The following HIVEP3 variants were observed in gnomAD, a reference collection of about 807,000 sequenced individuals.
HIVEP3 encodes HIVEP zinc finger 3.
In HIVEP3, 49 loss-of-function variants were observed where a neutral mutation model predicts 152.8. The ratio of observed to expected loss-of-function variants is 0.32; its 90% CI spans 0.26 to 0.41. The LOEUF is 0.41. HIVEP3 is among the 10% of genes least tolerant of loss of function. The pLI, the probability that HIVEP3 is intolerant of heterozygous loss-of-function variation, is 1.00. For synonymous variants in HIVEP3, 1,269 were observed against 1,289.0 expected, an observed-to-expected ratio of 0.98 and a Z score of 0.33; for missense variants, 2,790 against 3,103.3, an observed-to-expected ratio of 0.90 and a Z score of 2.40.
chr1:41,795,818 T>G (rs901139265), intron 1 of HIVEP3, among the ~76,000 whole-genome samples: 1 of 152,230 alleles, frequency 6.6e-6, no homozygotes, highest in Non-Finnish European at 1.5e-5. Context: ...TGTCTTGCTT[T>G]GTTTTTTGTT....
chr1:41,536,845 A>C (rs1440504530), intron 5 of HIVEP3, among the ~76,000 whole-genome samples: 2 of 152,158 alleles, frequency 1.3e-5, no homozygotes, highest in Non-Finnish European at 1.5e-5. Flanking sequence ...ACAGGAGAAA[A>C]CAGTCCCAGA....
At chr1:41,827,890 G>A (rs1364142379) in intron 1 of HIVEP3, among the ~76,000 whole-genome samples, 4 of 152,030 alleles carry the variant, frequency 2.6e-5, no homozygotes, top group African/African-American at 4.8e-5. Context: ...TAGGGAGAGA[G>A]AGTCAATAGA....
At chr1:41,738,391 C>G (rs1434291154) in intron 1 of HIVEP3, among the ~76,000 whole-genome samples, 2 of 152,174 alleles carry the variant, frequency 1.3e-5, no homozygotes, top group Admixed American at 6.5e-5. Flanking sequence ...CTCAGACCAT[C>G]AATTCTACTT....
At chr1:41,742,271 C>T (rs1228085178) in intron 1 of HIVEP3, among the ~76,000 whole-genome samples, 1 of 152,202 alleles carries the variant, frequency 6.6e-6, no homozygotes, top group Non-Finnish European at 1.5e-5. Context: ...TCCATCCACC[C>T]ATCCTTTCAT....
At chr1:41,611,742 G>A (rs1335136309) in intron 3 of HIVEP3, among the ~76,000 whole-genome samples, 1 of 152,194 alleles carries the variant, frequency 6.6e-6, no homozygotes, top group Admixed American at 6.5e-5. Flanking sequence ...CCACTGTCCT[G>A]GGCAACCAGG....
chr1:41,919,367 G>A (rs1644920833), upstream of HIVEP3, among the ~76,000 whole-genome samples: 1 of 152,146 alleles, frequency 6.6e-6, no homozygotes, highest in African/African-American at 2.4e-5. Flanking sequence ...GTGCCTGAAG[G>A]GAGTGGGGTC....
rs758053804 is a variant in HIVEP3 at position 41,582,236 on chromosome 1, C to A, written c.2562G>T (p.Gln854His). The A allele has an allele frequency of 3.7e-6, 6 of 1,613,768 alleles. No homozygotes were observed. The highest frequency in any genetic ancestry group is 5.1e-6 in the Non-Finnish European group (6 of 1,179,910). ...QPKLVRQPNI[Q>H]VPEILVTEEP... Reference sequence around the variant, plus strand: ...CCTCAGTTACTAGGATCTCAGGAACCTGAATGTTGGGCTGGCGGACCAACT... The same window carrying A: ...CCTCAGTTACTAGGATCTCAGGAACATGAATGTTGGGCTGGCGGACCAACT... Residue 854 changes from glutamine (Q) to histidine (H), a missense_variant, in exon 4 of 9, where the codon CAG (glutamine) becomes CAT (histidine). This residue lies in a region of HIVEP3 where 1,078 missense variants were observed against 1,165.3 expected (regional missense o/e 0.93). Coordinates refer to ENST00000372583, the MANE Select transcript of HIVEP3 (RefSeq NM_024503.5). This position sits in a 1 kb window ranked among gnomAD's most constrained non-coding sequence, Gnocchi z 4.7.
At chr1:41,577,547 C>G (rs1444430152) in intron 4 of HIVEP3, among the ~76,000 whole-genome samples, 2 of 152,152 alleles carry the variant, frequency 1.3e-5, no homozygotes, top group Admixed American at 6.5e-5. Context: ...GGACTCTGAA[C>G]AAGCTGGGGT....
intron 8 of HIVEP3, among the ~76,000 whole-genome samples, chr1:41,512,553 G>A (rs150850941): frequency 2.8e-4 from 43 of 152,322 alleles, no homozygotes; most frequent in African/African-American, 9.1e-4. Flanking sequence ...GGACTAATAC[G>A]TGGTAGAACC....
At position 41,582,500 on chromosome 1, in the gene HIVEP3, G is replaced by C. The variant is rs1644429719; in HGVS notation, c.2298C>G (p.Ser766=). 1.2e-6 allele frequency: 2 copies of C among 1,612,462 alleles called. No individual in the cohort carries two copies. The highest frequency in any genetic ancestry group is 3.3e-5 in the Admixed American group (2 of 59,922). ...SPAEPSKSVP[S]LEGPTGFQPR... ...GCTGGAAGCCCGTGGGTCCCTCCAA[G>C]GAGGGCACTGATTTACTTGGTTCTG... The change falls in exon 4 of 9, where the codon TCC becomes TCG. Residue 766 remains serine, a synonymous_variant. Coordinates refer to ENST00000372583, the MANE Select transcript of HIVEP3 (RefSeq NM_024503.5). This position sits in a 1 kb window ranked among gnomAD's most constrained non-coding sequence, Gnocchi z 4.7.
intron 2 of HIVEP3, among the ~76,000 whole-genome samples, chr1:41,675,119 C>T (rs937246269): frequency 6.6e-6 from 1 of 152,142 alleles, no homozygotes; most frequent in Non-Finnish European, 1.5e-5. Flanking sequence ...TTAATCCGTA[C>T]CCCTGTGTGC....
chr1:41,825,440 T>G (rs1642772635), intron 1 of HIVEP3, among the ~76,000 whole-genome samples: 1 of 151,936 alleles, frequency 6.6e-6, no homozygotes, highest in Non-Finnish European at 1.5e-5. Context: ...CCAGCTAATA[T>G]TTTCTATTTT....
intron 1 of HIVEP3, among the ~76,000 whole-genome samples, chr1:41,713,867 A>G (rs1328225729): frequency 6.6e-6 from 1 of 152,190 alleles, no homozygotes; most frequent in East Asian, 1.9e-4. Flanking sequence ...GGGGCTGGAG[A>G]GAGCTGCAGG....
At chr1:41,859,721 C>A (rs1643863684) in intron 1 of HIVEP3, among the ~76,000 whole-genome samples, 3 of 152,356 alleles carry the variant, frequency 2.0e-5, no homozygotes, top group African/African-American at 7.2e-5. Flanking sequence ...TTTAGACAAT[C>A]TTTGCCAATT....
At chr1:41,619,399 A>G (rs1645014422) in intron 3 of HIVEP3, among the ~76,000 whole-genome samples, 1 of 152,236 alleles carries the variant, frequency 6.6e-6, no homozygotes. Context: ...CATTTATTTT[A>G]CATACACTTA....
At chr1:41,559,547 G>A (rs775155373) in intron 5 of HIVEP3, among the ~76,000 whole-genome samples, 10 of 152,156 alleles carry the variant, frequency 6.6e-5, no homozygotes, top group Non-Finnish European at 2.9e-5. Context: ...CAAGGGAGCC[G>A]AAGGCACATT....
chr1:41,523,709 G>A (rs1642825094), intron 6 of HIVEP3, among the ~76,000 whole-genome samples: 1 of 152,196 alleles, frequency 6.6e-6, no homozygotes, highest in Non-Finnish European at 1.5e-5. Flanking sequence ...ACAGAAGAAA[G>A]GTCAACAGGT....
chr1:42,018,639 G>A (rs1416449671), intron 1 of HIVEP3, among the ~76,000 whole-genome samples: 1 of 151,870 alleles, frequency 6.6e-6, no homozygotes, highest in Admixed American at 6.6e-5. Flanking sequence ...TTAGCAAAAG[G>A]CAATTAAGAA....
At position 42,002,317 on chromosome 1, in the gene HIVEP3, C is replaced by T. The variant is rs537214946; in HGVS notation, n.119+33490G>A. On this transcript the variant is annotated intron_variant and non_coding_transcript_variant, in intron 1 of 3. Transcript: ENST00000489103. Reference sequence around the variant, plus strand: ...CCAGATGGCCCAGCAACCAAGGGAACGGGCAGGACCTTCTCACCTTCCCTG... The same window carrying T: ...CCAGATGGCCCAGCAACCAAGGGAATGGGCAGGACCTTCTCACCTTCCCTG... Among the ~76,000 whole-genome samples, 6 of 152,204 alleles carry T rather than the reference C, an allele frequency of 3.9e-5. No homozygotes were observed. In the South Asian group the frequency reaches 1.0e-3, roughly 26 times the overall value.
Sources: gnomAD v4.1 joint callset for allele counts (sites outside exome capture counted in the v4.1 genomes callset) on GRCh38, gnomAD v4.1.1 for gene constraint, gnomAD v4.1.1 regional missense constraint, Gnocchi (gnomAD v3.1) non-coding constraint, MANE v1.5 for transcripts, NCBI Gene and HGNC (gene_info 2026-07-23, HGNC 2026-07-21) for gene names.